The following MICU1 variants were observed in gnomAD, a reference collection of about 807,000 sequenced individuals.
MICU1 encodes calcium uptake protein 1, mitochondrial.
A neutral mutation model predicts 56.8 loss-of-function variants in MICU1; 45 were observed. The observed-to-expected ratio is 0.79, with a 90% confidence interval of 0.62 to 1.02. The LOEUF (loss-of-function observed/expected upper bound fraction) is 1.02, where lower values mean the gene tolerates loss of function less well. MICU1 is among the 50% of genes least tolerant of loss of function. The pLI, the probability that MICU1 is intolerant of heterozygous loss-of-function variation, is 0.00. For missense variants in MICU1, 504 were observed against 587.1 expected (o/e 0.86, Z 1.46); for synonymous variants, 186 against 195.1 (o/e 0.95, Z 0.39).
chr10:72,625,467 A>C (rs1328178327), intron 1 of MICU1, among the ~76,000 whole-genome samples: 1 of 152,218 alleles, frequency 6.6e-6, no homozygotes, highest in Non-Finnish European at 1.5e-5. Flanking sequence ...CAAAACAGGG[A>C]GAACGTAATG....
chr10:72,475,848 A>C (rs1433021885), intron 7 of MICU1: 5 of 456,742 alleles, frequency 1.1e-5, no homozygotes, highest in Non-Finnish European at 2.2e-5. Context: ...GGGTTCTAAC[A>C]CAGACAGCCT....
At chr10:72,509,005 AG>A (rs2132349609) in intron 5 of MICU1, among the ~76,000 whole-genome samples, 1 of 152,328 alleles carries the variant, frequency 6.6e-6, no homozygotes, top group African/African-American at 2.4e-5. Context: ...AAAGAAAGTT[AG>A]TTCTCAGCTT....
intron 4 of MICU1, among the ~76,000 whole-genome samples, chr10:72,534,748 A>C (rs1839581025): frequency 6.6e-6 from 1 of 152,150 alleles, no homozygotes; most frequent in Non-Finnish European, 1.5e-5. Context: ...ATTTGGTTAT[A>C]CATTCTTCTT....
At position 72,427,897 on chromosome 10, in the gene MICU1, T is replaced by C. The variant is rs1031239735; in HGVS notation, c.934-4526A>G. On this transcript the variant is annotated intron_variant, in intron 8 of 11. Coordinates refer to ENST00000361114, the MANE Select transcript of MICU1 (RefSeq NM_001195518.2). ...TATGTGGCTTTTGAGGTCCTAACCA[T>C]GCCACTGCCACTATCAGGAGTCTCA... Among the ~76,000 whole-genome samples, 5 of 152,210 alleles carry C rather than the reference T, an allele frequency of 3.3e-5. No individual in the cohort carries two copies. The East Asian group carries it at 9.7e-4, about 29-fold the overall frequency.
intron 1 of MICU1, among the ~76,000 whole-genome samples, chr10:72,610,273 AAT>A (rs1396891694): frequency 6.6e-6 from 1 of 151,422 alleles, no homozygotes; most frequent in Non-Finnish European, 1.5e-5. Flanking sequence ...AAAAAAAAAA[AAT>A]AGTAAAAAAG....
Position 72,475,038 on chromosome 10 carries a change from ACAGGCC to A in MICU1, c.933+56_933+61del, listed in dbSNP as rs1233389224. 5.6e-6 allele frequency: 8 copies of A among 1,430,212 alleles called. No homozygotes were observed. In the African/African-American group the frequency reaches 9.8e-5, roughly 18 times the overall value. The allele number at this position is 1,430,212 out of a possible 1,614,324, so 88.6% of individuals were successfully genotyped here. ...GGTAAATGGAAAGAATGCCTATAGT[ACAGGCC>A]CTCCTGCCCATCAGTTCCACATGTG... On this transcript the variant is annotated intron_variant, in intron 8 of 11. Transcript: ENST00000361114.
intron 2 of MICU1, 91 bp from the exon 3 acceptor site, chr10:72,563,154 C>A (rs559657656): frequency 2.0e-6 from 2 of 992,338 alleles, no homozygotes; most frequent in Non-Finnish European, 1.3e-6. Context: ...AGAGCAACAG[C>A]AATGAAATTT....
At chr10:72,532,724 A>T in intron 5 of MICU1, 1 of 301,242 alleles carries the variant, frequency 3.3e-6, no homozygotes, top group East Asian at 1.7e-4. Context: ...GACTTTAAAA[A>T]GAGGATATTC....
At chr10:72,391,743 C>T (rs1029754918) in intron 10 of MICU1, among the ~76,000 whole-genome samples, 5 of 151,470 alleles carry the variant, frequency 3.3e-5, no homozygotes, top group Non-Finnish European at 7.4e-5. Context: ...ACAGCATAGA[C>T]GTACCAAAAA....
chr10:72,390,820 C>T (rs184516960), intron 10 of MICU1, among the ~76,000 whole-genome samples: 120 of 152,360 alleles, frequency 7.9e-4, no homozygotes, highest in Non-Finnish European at 1.3e-3. Flanking sequence ...CTAATTAGCA[C>T]TTATCACACC....
intron 5 of MICU1, among the ~76,000 whole-genome samples, chr10:72,519,726 T>C (rs888750429): frequency 8.5e-5 from 13 of 152,186 alleles, no homozygotes; most frequent in African/African-American, 2.4e-5. Flanking sequence ...GTTGGTAATT[T>C]TGCCTTCTGG....
intron 4 of MICU1, among the ~76,000 whole-genome samples, chr10:72,542,280 A>G (rs1234454097): frequency 6.6e-6 from 1 of 152,180 alleles, no homozygotes; most frequent in African/African-American, 2.4e-5. Flanking sequence ...TAAAAAATGT[A>G]AAAACCATTC....
chr10:72,417,209 T>C (rs1864009291), intron 9 of MICU1, among the ~76,000 whole-genome samples: 1 of 152,180 alleles, frequency 6.6e-6, no homozygotes, highest in African/African-American at 2.4e-5. Context: ...TCCCAGCACT[T>C]TGGGAGGCCA....
intron 8 of MICU1, 100 bp from the exon 9 acceptor site, chr10:72,423,471 T>C: frequency 1.5e-6 from 2 of 1,347,990 alleles, no homozygotes; most frequent in Non-Finnish European, 2.0e-6. Context: ...AAATAGCTGA[T>C]GACTGGGACT....
At chr10:72,413,271 G>A (rs924044467) in intron 9 of MICU1, among the ~76,000 whole-genome samples, 1 of 152,058 alleles carries the variant, frequency 6.6e-6, no homozygotes, top group Non-Finnish European at 1.5e-5. Context: ...TCATGACCTT[G>A]ACTAAGGCAA....
chr10:72,454,378 G>A (rs893928580), intron 8 of MICU1, among the ~76,000 whole-genome samples: 3 of 151,138 alleles, frequency 2.0e-5, no homozygotes, highest in Admixed American at 6.6e-5. Context: ...TGCTTGAACC[G>A]GGGAGATGGA....
chr10:72,624,615 T>A (rs1486332609), intron 1 of MICU1, among the ~76,000 whole-genome samples: 1 of 152,210 alleles, frequency 6.6e-6, no homozygotes, highest in Admixed American at 6.6e-5. Context: ...CTTCTATTAG[T>A]TTCTATCATT....
intron 10 of MICU1, among the ~76,000 whole-genome samples, chr10:72,388,884 G>C (rs1862978271): frequency 6.6e-6 from 1 of 152,200 alleles, no homozygotes; most frequent in Non-Finnish European, 1.5e-5. Flanking sequence ...AGAGACCTGA[G>C]CTTGAATCCT....
intron 8 of MICU1, among the ~76,000 whole-genome samples, chr10:72,452,260 C>T (rs1865323612): frequency 6.6e-6 from 1 of 152,130 alleles, no homozygotes; most frequent in African/African-American, 2.4e-5. Context: ...AATAACAAGC[C>T]CCAAATCATC....
Sources: gnomAD v4.1 joint callset for allele counts (sites outside exome capture counted in the v4.1 genomes callset) on GRCh38, gnomAD v4.1.1 for gene constraint, MANE v1.5 for transcripts, NCBI Gene and HGNC (gene_info 2026-07-23, HGNC 2026-07-21) for gene names.